MARK4: variants seen among roughly 807,000 people sequenced by gnomAD.
MARK4 encodes microtubule affinity regulating kinase 4, also known as MAP/microtubule affinity-regulating kinase 4.
MARK4 carries 19 observed loss-of-function variants against 81.5 expected under a neutral mutation model. The observed-to-expected ratio is 0.23, with a 90% CI of 0.16 to 0.34. The LOEUF is 0.34. Ranked by LOEUF, MARK4 falls within the 10% of genes least tolerant of loss-of-function variation. The probability of loss-of-function intolerance (pLI) is 1.00; values close to 1 mark genes in which losing one functional copy is unlikely to be tolerated. For missense variants in MARK4, 772 were observed against 1,058.8 expected, an observed-to-expected ratio of 0.73 and a Z score of 3.76; for synonymous variants, 436 against 439.0, an observed-to-expected ratio of 0.99 and a Z score of 0.08.
At chr19:45,267,124 T>C (rs549351739) in intron 7 of MARK4, among the ~76,000 whole-genome samples, 5 of 151,910 alleles carry the variant, frequency 3.3e-5, no homozygotes, top group Admixed American at 2.6e-4. Flanking sequence ...AGTGGCCCCA[T>C]CTCAGCTCGC....
intron 1 of MARK4, among the ~76,000 whole-genome samples, chr19:45,255,731 C>T (rs2123022016): frequency 6.6e-6 from 1 of 152,270 alleles, no homozygotes; most frequent in Middle Eastern, 3.4e-3. Flanking sequence ...ATCAAGTGGC[C>T]CGGCAGTGTC....
chr19:45,258,936 G>A (rs760244366), intron 1 of MARK4, 53 bp from the exon 2 acceptor site: 53 of 1,580,096 alleles, frequency 3.4e-5, no homozygotes, highest in South Asian at 1.5e-4. Context: ...ACTAGCCCAC[G>A]GGTTCCACGG....
At chr19:45,266,327 A>G (rs1210423049) in intron 7 of MARK4, 46 bp downstream of exon 7, 2 of 1,590,698 alleles carry the variant, frequency 1.3e-6, no homozygotes, top group South Asian at 2.2e-5. Context: ...GGCTCAGCCC[A>G]CAGACTTCTC....
intron 1 of MARK4, 89 bp downstream of exon 1, chr19:45,251,728 T>G: frequency 1.6e-6 from 2 of 1,245,618 alleles, no homozygotes; most frequent in Non-Finnish European, 2.2e-6. Context: ...CGCGAGCCCC[T>G]ACCCTCGTTT....
At chr19:45,284,880 C>T (rs2123081840) in intron 12 of MARK4, among the ~76,000 whole-genome samples, 1 of 152,212 alleles carries the variant, frequency 6.6e-6, no homozygotes, top group South Asian at 2.1e-4. Context: ...CACCTGAGGT[C>T]AGCAGTTTGA....
chr19:45,290,027 G>A (rs537346037), intron 13 of MARK4, among the ~76,000 whole-genome samples: 2 of 152,088 alleles, frequency 1.3e-5, no homozygotes, highest in East Asian at 3.9e-4. Flanking sequence ...TTGAGTCCAG[G>A]AGGCGGAGGT....
At chr19:45,252,311 C>T (rs1412850850) in intron 1 of MARK4, among the ~76,000 whole-genome samples, 1 of 152,142 alleles carries the variant, frequency 6.6e-6, no homozygotes, top group Non-Finnish European at 1.5e-5. Context: ...TCCCAGCACC[C>T]CGGGGCCCCC....
intron 14 of MARK4, among the ~76,000 whole-genome samples, chr19:45,294,763 C>T (rs977190762): frequency 8.5e-5 from 13 of 152,148 alleles, no homozygotes; most frequent in African/African-American, 1.4e-4. Context: ...ACAGCTTCAG[C>T]GTCATCTGGT....
At chr19:45,260,763 CCTCT>C (rs1453446077) in intron 2 of MARK4, among the ~76,000 whole-genome samples, 1 of 152,018 alleles carries the variant, frequency 6.6e-6, no homozygotes, top group Non-Finnish European at 1.5e-5. Context: ...ACCTGAGCTG[CCTCT>C]CTGTTTTAAG....
intron 9 of MARK4, 31 bp from the exon 10 acceptor site, chr19:45,278,485 C>T: frequency 6.3e-7 from 1 of 1,589,196 alleles, no homozygotes; most frequent in Non-Finnish European, 8.6e-7. Context: ...TGACACCTGT[C>T]TTCCCCCTTC....
At position 45,297,818 on chromosome 19, in the gene MARK4, G is replaced by T; in HGVS notation, c.1741G>T (p.Gly581Cys). The T allele has an allele frequency of 6.5e-6, 10 of 1,539,820 alleles. No homozygotes were observed. Among genetic ancestry groups the T allele is most frequent in the Non-Finnish European group, 7.9e-6 (9 of 1,141,072 alleles). Residue 581 changes from glycine (G) to cysteine (C), a missense_variant, in exon 15 of 17, where the codon GGT becomes TGT. This residue lies in a region of MARK4 where 548 missense variants were observed against 624.3 expected (regional missense o/e 0.88). Coordinates refer to ENST00000262891, the MANE Select transcript of MARK4 (RefSeq NM_001199867.2). ...GGQVRDRRAG[G>C]GGGGGVQNGP... is the part of the protein sequence containing the mutation. ...CCAGGTCCGGGACCGGCGGGCAGGG[G>T]GTGGGGGTGGTGGGGGTGTGCAGAA...
chr19:45,268,489 C>T (rs1970483826), intron 7 of MARK4, among the ~76,000 whole-genome samples: 1 of 151,288 alleles, frequency 6.6e-6, no homozygotes, highest in Non-Finnish European at 1.5e-5. Flanking sequence ...GAGGCTGAGA[C>T]ATGAGAATTG....
chr19:45,296,378 A>G (rs1049316639), intron 14 of MARK4, among the ~76,000 whole-genome samples: 9 of 152,398 alleles, frequency 5.9e-5, no homozygotes, highest in Non-Finnish European at 1.3e-4. Context: ...AAGTTCTTCC[A>G]GCCCCAAAAT....
At chr19:45,277,229 C>A (rs1970609632) in intron 8 of MARK4, among the ~76,000 whole-genome samples, 1 of 151,644 alleles carries the variant, frequency 6.6e-6, no homozygotes, top group Non-Finnish European at 1.5e-5. Flanking sequence ...AGGCAGCCAC[C>A]ACCACACCCA....
chr19:45,269,676 G>A (rs1023714922), intron 7 of MARK4, among the ~76,000 whole-genome samples: 1 of 152,114 alleles, frequency 6.6e-6, no homozygotes, highest in Non-Finnish European at 1.5e-5. Flanking sequence ...TTCTTCCTCC[G>A]CGCACTGTGG....
Position 45,302,375 on chromosome 19 carries a change from T to G in MARK4, c.1924T>G (p.Cys642Gly), listed in dbSNP as rs1462371282. Residue 642 changes from cysteine (C) to glycine (G), a missense_variant and splice_region_variant, in exon 17 of 17, where the codon TGC becomes GGC. By Grantham distance (159) the Cys-to-Gly change is radical (BLOSUM62 -3). Coordinates refer to ENST00000262891, the MANE Select transcript of MARK4 (RefSeq NM_001199867.2). The surrounding 1 kb of genome is among the most constrained non-coding windows in gnomAD (Gnocchi z 4.9). ...ACCCCTGACATCTTCTCGCCTCAGTTGCCATCTACCTTGGGATCAAACGGA... is the reference window on the plus strand; with the variant it reads ...ACCCCTGACATCTTCTCGCCTCAGTGGCCATCTACCTTGGGATCAAACGGA... ...ERIGGPEVTS[C>G]HLPWDQTETA... 6.2e-7 allele frequency: 1 copy of G among 1,614,144 alleles called. No homozygotes were observed. Among genetic ancestry groups the G allele is most frequent in the Admixed American group, 1.7e-5 (1 of 60,020 alleles).
chr19:45,271,013 G>A lies in MARK4; in HGVS notation c.550-459G>A, dbSNP rs1484664602. 1.3e-5 allele frequency among the ~76,000 whole-genome samples: 2 copies of A among 152,126 alleles called. No individual in the cohort carries two copies. Among genetic ancestry groups the A allele is most frequent in the Non-Finnish European group, 2.9e-5 (2 of 68,016 alleles). On this transcript the variant is annotated intron_variant, in intron 7 of 16. Coordinates refer to ENST00000262891, the MANE Select transcript of MARK4 (RefSeq NM_001199867.2). The surrounding 1 kb of genome is among the most constrained non-coding windows in gnomAD (Gnocchi z 4.1). ...TTGAACTCCCAACCTCAGGTGATCT[G>A]CCCACCTCGGCTTCCCAAAGTTCTG...
chr19:45,278,900 C>T (rs566784866), intron 10 of MARK4, among the ~76,000 whole-genome samples: 74 of 152,152 alleles, frequency 4.9e-4, no homozygotes, highest in Non-Finnish European at 8.1e-4. Context: ...CCACTGTACC[C>T]GGCCCATGTT....
At position 45,302,450 on chromosome 19, in the gene MARK4, T is replaced by C; in HGVS notation, c.1999T>C (p.Ser667Pro). 6.2e-7 allele frequency: 1 copy of C among 1,613,710 alleles called. No homozygotes were observed. The highest frequency in any genetic ancestry group is 8.5e-7 in the Non-Finnish European group (1 of 1,179,906). Residue 667 changes from serine (S) to proline (P), a missense_variant, in exon 17 of 17, where the codon TCG (serine) becomes CCG (proline). Physicochemically the swap from Ser to Pro is moderately conservative, Grantham distance 74. Transcript: ENST00000262891. This position sits in a 1 kb window ranked among gnomAD's most constrained non-coding sequence, Gnocchi z 4.9. Reference protein sequence around the residue: ...RFPWSVKLTSSRPPEALMAAL... With the variant: ...RFPWSVKLTSPRPPEALMAAL... ...CCCCTGGAGTGTGAAGCTGACCAGC[T>C]CGCGCCCTCCTGAGGCCCTGATGGC...
Sources: gnomAD v4.1 joint callset for allele counts (sites outside exome capture counted in the v4.1 genomes callset) on GRCh38, gnomAD v4.1.1 for gene constraint, gnomAD v4.1.1 regional missense constraint, Gnocchi (gnomAD v3.1) non-coding constraint, MANE v1.5 for transcripts, NCBI Gene and HGNC (gene_info 2026-07-23, HGNC 2026-07-21) for gene names.